The following SECISBP2L variants were observed in gnomAD, a reference collection of about 807,000 sequenced individuals.
SECISBP2L encodes SECIS binding protein 2 like, also known as selenocysteine insertion sequence-binding protein 2-like.
Under a neutral mutation model 114.7 loss-of-function variants are expected in SECISBP2L, and 43 were observed. That is an observed-to-expected ratio of 0.38 (90% confidence interval 0.29 to 0.48). The LOEUF (loss-of-function observed/expected upper bound fraction) is 0.48, where lower values mean the gene tolerates loss of function less well. Ranked by LOEUF, SECISBP2L falls within the 20% of genes least tolerant of loss-of-function variation. The pLI is 0.98. For synonymous variants in SECISBP2L, 451 were observed against 439.7 expected (o/e 1.03, Z -0.32); for missense variants, 1,136 against 1,301.1 (o/e 0.87, Z 1.95).
In SECISBP2L at chr15:49,029,538, T is replaced by C. The variant is rs1049651818; in HGVS notation, c.665-856A>G. 7.2e-5 allele frequency among the ~76,000 whole-genome samples: 11 copies of C among 152,238 alleles called. 1 individual carries two copies. The highest frequency in any genetic ancestry group is 2.4e-4 in the African/African-American group (10 of 41,454). On this transcript the variant is annotated intron_variant, in intron 4 of 17. Coordinates refer to ENST00000559471, the MANE Select transcript of SECISBP2L (RefSeq NM_001193489.2). ...TTTACATGAATATACCACAGTGTAC[T>C]TATCCTTTGTACCACTGATGAGACA...
chr15:49,027,757 C>T (rs1202876868), intron 6 of SECISBP2L, among the ~76,000 whole-genome samples: 1 of 152,102 alleles, frequency 6.6e-6, no homozygotes, highest in Middle Eastern at 3.4e-3. Context: ...TACAGGCGCT[C>T]ACCACCACGT....
chr15:49,018,650 G>A (rs1902584012), intron 8 of SECISBP2L, among the ~76,000 whole-genome samples: 1 of 152,170 alleles, frequency 6.6e-6, no homozygotes, highest in Admixed American at 6.5e-5. Flanking sequence ...TAGAATTTAT[G>A]ATCCAACCAA....
intron 1 of SECISBP2L, chr15:49,042,479 G>C (rs1171395373): frequency 6.6e-6 from 1 of 152,244 alleles, no homozygotes; most frequent in African/African-American, 2.4e-5. Flanking sequence ...AGGCAACCTG[G>C]AGTTTCCCCA....
At chr15:49,004,930 T>C (rs1250815337) in intron 14 of SECISBP2L, among the ~76,000 whole-genome samples, 1 of 152,230 alleles carries the variant, frequency 6.6e-6, no homozygotes, top group Non-Finnish European at 1.5e-5. Flanking sequence ...GAGAGTTCTG[T>C]AGATGTCTAA....
chr15:48,997,891 A>C (rs2141060266), intron 16 of SECISBP2L, among the ~76,000 whole-genome samples: 1 of 152,290 alleles, frequency 6.6e-6, no homozygotes, highest in East Asian at 1.9e-4. Flanking sequence ...ATAAGATGGC[A>C]AAATACATAT....
chr15:48,992,489 C>T lies in SECISBP2L; in HGVS notation c.3061G>A (p.Val1021Ile). The change falls in exon 18 of 18, where the codon GTC becomes ATC. Residue 1021 changes from valine to isoleucine, a missense_variant. Transcript: ENST00000559471. The stretch of plus-strand genomic sequence containing the variant: ...TCCATAGTTCTCTGGGTCTCTGAGA[C>T]CCAAGACTCAATTCTACTATTGAGC... Reference protein sequence around the residue: ...VQLNSRIESWVSETQRTMETL... With the variant: ...VQLNSRIESWISETQRTMETL... 1 of 1,614,144 alleles carries T rather than the reference C, an allele frequency of 6.2e-7. No homozygotes were observed. The highest frequency in any genetic ancestry group is 8.5e-7 in the Non-Finnish European group (1 of 1,180,022).
intron 14 of SECISBP2L, among the ~76,000 whole-genome samples, chr15:49,002,117 G>A (rs1902224804): frequency 6.6e-6 from 1 of 152,034 alleles, no homozygotes; most frequent in Non-Finnish European, 1.5e-5. Flanking sequence ...CCTCTCCAGT[G>A]TCTCGTTTCC....
intron 16 of SECISBP2L, among the ~76,000 whole-genome samples, chr15:48,997,570 T>C (rs1385221436): frequency 6.6e-6 from 1 of 152,184 alleles, no homozygotes; most frequent in African/African-American, 2.4e-5. Flanking sequence ...ACTGAGCATA[T>C]TCACATCTAA....
Position 48,992,200 on chromosome 15 carries a change from G to T in SECISBP2L, c.*44C>A. 1 of 1,539,218 alleles carries T rather than the reference G, an allele frequency of 6.5e-7. No homozygotes were observed. Among genetic ancestry groups the T allele is most frequent in the South Asian group, 1.2e-5 (1 of 81,418 alleles). On this transcript the variant is annotated 3_prime_UTR_variant, in exon 18 of 18. Transcript: ENST00000559471. Reference sequence around the variant, plus strand: ...AGATGAAGCATAAAAGGTAATGGCTGCAACCCTTCCACAGCTGGAGATAGA... The same window carrying T: ...AGATGAAGCATAAAAGGTAATGGCTTCAACCCTTCCACAGCTGGAGATAGA...
chr15:48,999,612 C>G lies in SECISBP2L; in HGVS notation c.2403+221G>C, dbSNP rs536405903. Among the ~76,000 whole-genome samples, 9 of 152,216 alleles carry G rather than the reference C, an allele frequency of 5.9e-5. No individual in the cohort carries two copies. The East Asian group carries it at 1.7e-3, about 29-fold the overall frequency. ...GAAAAAAACCACTTTGGCAGAAATA[C>G]GAACTAAAACCTTTTCAAAATGCTT... On this transcript the variant is annotated intron_variant, in intron 16 of 17. Coordinates refer to ENST00000559471, the MANE Select transcript of SECISBP2L (RefSeq NM_001193489.2).
chr15:48,993,100 A>AGAGAGTGTGTGTGTGTGT lies in SECISBP2L; in HGVS notation c.2624-175_2624-174insACACACACACACACTCTC, dbSNP rs772299775. On this transcript the variant is annotated intron_variant, in intron 17 of 17. Transcript: ENST00000559471. ...TAGTACTAGTTTGAGACAGAGAGAG[A>AGAGAGTGTGTGTGTGTGT]GTGTGTGTGTGTGTGTGTGTGTGTG... Among the ~76,000 whole-genome samples the AGAGAGTGTGTGTGTGTGT allele has an allele frequency of 2.1e-3, 296 of 139,216 alleles. 1 individual carries two copies. The highest frequency in any genetic ancestry group is 7.1e-3 in the African/African-American group (252 of 35,424). 91.3% of individuals were successfully genotyped at this position (139,216 alleles called of 152,430 possible).
At chr15:49,037,179 A>C (rs1208580553) in intron 2 of SECISBP2L, among the ~76,000 whole-genome samples, 1 of 146,512 alleles carries the variant, frequency 6.8e-6, no homozygotes, top group Non-Finnish European at 1.5e-5. Flanking sequence ...AATATATGCT[A>C]ACCATGACAG....
At chr15:49,002,520 T>G (rs923592276) in intron 14 of SECISBP2L, among the ~76,000 whole-genome samples, 2 of 152,236 alleles carry the variant, frequency 1.3e-5, no homozygotes, top group African/African-American at 4.8e-5. Context: ...CATGAACTCT[T>G]TGCCCCATGC....
chr15:49,037,835 TAACAACAG>T (rs1402936889), intron 1 of SECISBP2L, 66 bp from the exon 2 acceptor site: 5 of 1,396,304 alleles, frequency 3.6e-6, no homozygotes, highest in African/African-American at 1.4e-5. Flanking sequence ...ATTCAAAATT[TAACAACAG>T]AAGAGTCAGT....
At chr15:48,998,340 A>G (rs1902137661) in intron 16 of SECISBP2L, among the ~76,000 whole-genome samples, 1 of 152,228 alleles carries the variant, frequency 6.6e-6, no homozygotes, top group Non-Finnish European at 1.5e-5. Flanking sequence ...ACCTATTAGT[A>G]GTGTAAAAAA....
At chr15:49,027,643 T>C (rs1468091078) in intron 6 of SECISBP2L, among the ~76,000 whole-genome samples, 163 bp from the exon 7 acceptor site, 3 of 151,412 alleles carry the variant, frequency 2.0e-5, no homozygotes, top group Non-Finnish European at 2.9e-5. Context: ...AGTTTCACTC[T>C]TCTTGCCCAG....
chr15:49,046,179 CGGCCCCCGGT>C, intron 1 of SECISBP2L, 87 bp downstream of exon 1: 1 of 1,412,600 alleles, frequency 7.1e-7, no homozygotes, highest in Non-Finnish European at 9.6e-7. Context: ...GCCGCAGGAC[CGGCCCCCGGT>C]CCCCACGTTC....
At chr15:49,026,811 T>C (rs1042781421) in intron 7 of SECISBP2L, among the ~76,000 whole-genome samples, 1 of 152,190 alleles carries the variant, frequency 6.6e-6, no homozygotes, top group Non-Finnish European at 1.5e-5. Context: ...AACTCCCTGA[T>C]TTTACAGCCA....
Position 49,017,197 on chromosome 15 carries a change from A to T in SECISBP2L, c.1252-182T>A, listed in dbSNP as rs149868431. On this transcript the variant is annotated intron_variant, in intron 9 of 17. Transcript: ENST00000559471. ...TCAGACTGGGAAATAATAAAGGGAC[A>T]AAACAGCTTAATGCAGTGGGTGATG... The T allele has an allele frequency of 6.0e-4, 377 of 628,916 alleles. No homozygotes were observed. The African/African-American group carries it at 6.2e-3, about 10-fold the overall frequency. 39.0% of individuals were successfully genotyped at this position (628,916 alleles called of 1,614,324 possible). A position where few individuals can be genotyped will look rare whatever the true frequency, so the allele number is the denominator to read the frequency against.
Sources: gnomAD v4.1 joint callset for allele counts (sites outside exome capture counted in the v4.1 genomes callset) on GRCh38, gnomAD v4.1.1 for gene constraint, MANE v1.5 for transcripts, NCBI Gene and HGNC (gene_info 2026-07-23, HGNC 2026-07-21) for gene names.